Variants in SGCZ observed in about 807,000 individuals in gnomAD.
The protein encoded by SGCZ is sarcoglycan zeta.
A neutral mutation model predicts 41.3 loss-of-function variants in SGCZ; 40 were observed. That is an observed-to-expected ratio of 0.97 (90% CI 0.75 to 1.26). The LOEUF is 1.26. Among genes scored for constraint, SGCZ ranks in the 50% most tolerant of loss-of-function variants. SGCZ has a pLI of 0.00. For missense variants in SGCZ, 552 were observed against 369.8 expected (o/e 1.49, Z -4.04); for synonymous variants, 206 against 137.5 (o/e 1.50, Z -3.49).
At chr8:15,144,492 T>C (rs1798984138) in intron 1 of SGCZ, among the ~76,000 whole-genome samples, 1 of 152,056 alleles carries the variant, frequency 6.6e-6, no homozygotes, top group Non-Finnish European at 1.5e-5. Context: ...TTTGACTAAG[T>C]CTCGCTCAGT....
intron 2 of SGCZ, among the ~76,000 whole-genome samples, chr8:14,495,025 G>C (rs1476207135): frequency 2.0e-5 from 3 of 152,106 alleles, no homozygotes; most frequent in Non-Finnish European, 4.4e-5. Context: ...ATAGGTTTCT[G>C]GAGCTCCCAT....
At chr8:14,266,170 G>C (rs1167124997) in intron 3 of SGCZ, among the ~76,000 whole-genome samples, 5 of 152,008 alleles carry the variant, frequency 3.3e-5, no homozygotes, top group African/African-American at 1.2e-4. Flanking sequence ...TGTCTTAAGA[G>C]ATATCATAAT....
chr8:14,768,003 C>T (rs1028037549), intron 1 of SGCZ, among the ~76,000 whole-genome samples: 1 of 152,106 alleles, frequency 6.6e-6, no homozygotes, highest in African/African-American at 2.4e-5. Flanking sequence ...TGTAATATGC[C>T]GAGTAGCCTT....
rs148771110 is a variant in SGCZ at position 15,167,154 on chromosome 8, T to A, written c.39+70431A>T. Among the ~76,000 whole-genome samples, 1,055 of 152,358 alleles carry A rather than the reference T, an allele frequency of 6.9e-3. 8 individuals are homozygous for A. Among genetic ancestry groups the A allele is most frequent in the African/African-American group, 0.022 (920 of 41,582 alleles). The stretch of plus-strand genomic sequence containing the variant: ...TGGTTCCTCTAAAATTTGGAAACTA[T>A]CTGTGAGTATCCTCGTGGCAATAAG... On this transcript the variant is annotated intron_variant, in intron 1 of 7. Transcript: ENST00000382080.
At chr8:14,274,922 G>C (rs921244116) in intron 3 of SGCZ, among the ~76,000 whole-genome samples, 1 of 151,998 alleles carries the variant, frequency 6.6e-6, no homozygotes, top group African/African-American at 2.4e-5. Context: ...TTGTTCCATA[G>C]AGTTTTGGCA....
chr8:14,770,379 G>C (rs2255912), intron 1 of SGCZ, among the ~76,000 whole-genome samples: 107,345 of 151,170 alleles, frequency 0.71, 39,217 homozygotes, highest in African/African-American at 0.89. Flanking sequence ...TGAATAAATA[G>C]TTTTAAAATG....
chr8:14,972,008 A>G lies in SGCZ; in HGVS notation c.39+265577T>C, dbSNP rs143610205. 3.2e-3 allele frequency among the ~76,000 whole-genome samples: 480 copies of G among 151,932 alleles called. 3 individuals carry two copies. Among genetic ancestry groups the G allele is most frequent in the African/African-American group, 0.01 (420 of 41,452 alleles). ...TTGGCTTCCAGTTTTTTCTTTTTTC[A>G]TAATAACTGTGTTTGGTTTCGGGTT... On this transcript the variant is annotated intron_variant, in intron 1 of 7. Coordinates refer to ENST00000382080, the MANE Select transcript of SGCZ (RefSeq NM_139167.4).
intron 1 of SGCZ, among the ~76,000 whole-genome samples, chr8:14,768,236 T>A (rs373337482): frequency 2.3e-4 from 35 of 152,236 alleles, no homozygotes; most frequent in African/African-American, 5.8e-4. Context: ...TCTCCTAACA[T>A]TCTCTAAAAG....
intron 1 of SGCZ, among the ~76,000 whole-genome samples, chr8:14,705,140 C>T (rs889857368): frequency 2.0e-5 from 3 of 151,870 alleles, no homozygotes; most frequent in Non-Finnish European, 2.9e-5. Flanking sequence ...TTCAACACCC[C>T]TTTTTAGACC....
intron 2 of SGCZ, among the ~76,000 whole-genome samples, chr8:14,359,815 G>GAAAAAA (rs1258410378): frequency 1.8e-5 from 2 of 109,488 alleles, no homozygotes; most frequent in African/African-American, 6.2e-5. Flanking sequence ...TACAAAAAAA[G>GAAAAAA]AAAAAAAAAA....
intron 2 of SGCZ, among the ~76,000 whole-genome samples, chr8:14,482,021 C>G (rs950826670): frequency 6.6e-6 from 1 of 152,046 alleles, no homozygotes; most frequent in African/African-American, 2.4e-5. Flanking sequence ...GGAGAAATCC[C>G]TGAGTTAAAG....
intron 2 of SGCZ, among the ~76,000 whole-genome samples, chr8:14,382,957 C>T (rs573931583): frequency 2.0e-5 from 3 of 152,218 alleles, no homozygotes; most frequent in South Asian, 2.1e-4. Context: ...ACTTCTCTCC[C>T]GCAAAAAGCT....
At chr8:15,233,632 A>G (rs1802030409) in intron 1 of SGCZ, among the ~76,000 whole-genome samples, 1 of 152,146 alleles carries the variant, frequency 6.6e-6, no homozygotes, top group Non-Finnish European at 1.5e-5. Flanking sequence ...AAATGAAGCA[A>G]CAGTGACTGG....
intron 5 of SGCZ, among the ~76,000 whole-genome samples, chr8:14,160,830 T>C (rs982646007): frequency 3.3e-5 from 5 of 152,150 alleles, no homozygotes; most frequent in Admixed American, 2.0e-4. Flanking sequence ...CTGTGAATCA[T>C]TATAGTCATA....
intron 1 of SGCZ, among the ~76,000 whole-genome samples, chr8:14,882,766 C>T (rs1032939834): frequency 7.2e-5 from 11 of 152,026 alleles, no homozygotes; most frequent in African/African-American, 2.7e-4. Flanking sequence ...TTTTCTATCT[C>T]CAGGTCCACT....
rs1221234285 is a variant in SGCZ at position 14,902,421 on chromosome 8, G to GT, written c.39+335163dup. Among the ~76,000 whole-genome samples, 3 of 152,224 alleles carry GT rather than the reference G, an allele frequency of 2.0e-5. No homozygotes were observed. In the East Asian group the frequency reaches 5.8e-4, roughly 29 times the overall value. On this transcript the variant is annotated intron_variant, in intron 1 of 7. Coordinates refer to ENST00000382080, the MANE Select transcript of SGCZ (RefSeq NM_139167.4). ...TATCCAATGCCTCTGTCTCTCCGAAGTTTTTGCCCAAGAATTCCCTGGGCC... is the reference window on the plus strand; with the variant it reads ...TATCCAATGCCTCTGTCTCTCCGAAGTTTTTTGCCCAAGAATTCCCTGGGCC...
chr8:14,248,805 G>A (rs1166557282), intron 3 of SGCZ, among the ~76,000 whole-genome samples: 1 of 151,356 alleles, frequency 6.6e-6, no homozygotes, highest in Non-Finnish European at 1.5e-5. Flanking sequence ...TTAAATATCT[G>A]GAAACATTAG....
At chr8:14,902,420 A>C (rs2130762342) in intron 1 of SGCZ, among the ~76,000 whole-genome samples, 1 of 152,164 alleles carries the variant, frequency 6.6e-6, no homozygotes, top group South Asian at 2.1e-4. Flanking sequence ...GTCTCTCCGA[A>C]GTTTTTGCCC....
chr8:14,694,668 C>G (rs932739444), intron 1 of SGCZ, among the ~76,000 whole-genome samples: 4 of 152,130 alleles, frequency 2.6e-5, no homozygotes, highest in Non-Finnish European at 5.9e-5. Flanking sequence ...CGGTGCCAGG[C>G]TCAATACATT....
Sources: gnomAD v4.1 joint callset for allele counts (sites outside exome capture counted in the v4.1 genomes callset) on GRCh38, gnomAD v4.1.1 for gene constraint, MANE v1.5 for transcripts, NCBI Gene and HGNC (gene_info 2026-07-23, HGNC 2026-07-21) for gene names.